The following CDH3 variants were observed in gnomAD, a reference collection of about 807,000 sequenced individuals.
CDH3 encodes cadherin-3.
In CDH3, 54 loss-of-function variants were observed where a neutral mutation model predicts 82.0. The ratio of observed to expected loss-of-function variants is 0.66; its 90% CI spans 0.53 to 0.83. CDH3 has a LOEUF of 0.83. CDH3 is among the 40% of genes least tolerant of loss of function. The pLI, the probability that CDH3 is intolerant of heterozygous loss-of-function variation, is 0.00. For synonymous variants in CDH3, 446 were observed against 437.9 expected (o/e 1.02, Z -0.23); for missense variants, 1,054 against 1,084.6 (o/e 0.97, Z 0.40).
intron 10 of CDH3, 112 bp downstream of exon 10, chr16:68,684,936 C>A: frequency 7.2e-7 from 1 of 1,385,024 alleles, no homozygotes; most frequent in Non-Finnish European, 1.0e-6. Context: ...AGGAATATCC[C>A]TCCTGCATAG....
intron 2 of CDH3, among the ~76,000 whole-genome samples, chr16:68,725,028 C>T (rs943809684): frequency 2.6e-5 from 4 of 152,076 alleles, no homozygotes; most frequent in African/African-American, 4.8e-5. Flanking sequence ...TGCTTGGAAG[C>T]GGGGGACAGG....
At chr16:68,719,239 C>T (rs533196141) in intron 1 of CDH3, among the ~76,000 whole-genome samples, 8 of 127,404 alleles carry the variant, frequency 6.3e-5, no homozygotes, top group South Asian at 5.4e-4. Context: ...AGTGAGACTC[C>T]GTCTCAAAAA....
chr16:68,731,047 A>AAATAT (rs1962279500), downstream of CDH3, among the ~76,000 whole-genome samples: 1 of 26,346 alleles, frequency 3.8e-5, no homozygotes, highest in African/African-American at 1.4e-4. Context: ...AAAAAAAAAA[A>AAATAT]ATATATATAT....
chr16:68,704,274 G>A (rs1403082463), downstream of CDH3, among the ~76,000 whole-genome samples: 1 of 150,974 alleles, frequency 6.6e-6, no homozygotes, highest in Non-Finnish European at 1.5e-5. Context: ...GCCACAGAGC[G>A]AGACTTCGTC....
chr16:68,656,860 C>G (rs1296404554), intron 2 of CDH3, among the ~76,000 whole-genome samples: 5 of 152,190 alleles, frequency 3.3e-5, no homozygotes, highest in African/African-American at 1.2e-4. Flanking sequence ...CCCAGGACCT[C>G]TGGCCTCCCT....
downstream of CDH3, among the ~76,000 whole-genome samples, chr16:68,704,180 A>G (rs1345503234): frequency 1.4e-5 from 2 of 138,730 alleles, no homozygotes; most frequent in African/African-American, 2.7e-5. Context: ...CCAGCTACTC[A>G]GGAGGCTGAG....
intron 2 of CDH3, among the ~76,000 whole-genome samples, chr16:68,657,038 C>T (rs1960425066): frequency 2.6e-5 from 4 of 152,156 alleles, no homozygotes; most frequent in Non-Finnish European, 5.9e-5. Flanking sequence ...CTCACTCGCT[C>T]CTCCTCCCCC....
At chr16:68,657,373 G>T (rs974506104) in intron 2 of CDH3, among the ~76,000 whole-genome samples, 10 of 152,238 alleles carry the variant, frequency 6.6e-5, no homozygotes, top group South Asian at 4.2e-4. Context: ...AATTAGCCGG[G>T]CATGGTGGCG....
At chr16:68,654,769 C>T (rs1224507738) in intron 2 of CDH3, among the ~76,000 whole-genome samples, 2 of 147,896 alleles carry the variant, frequency 1.4e-5, no homozygotes, top group Non-Finnish European at 3.0e-5. Flanking sequence ...GGCATGATGG[C>T]TCACACCTGT....
chr16:68,690,527 C>T (rs953561111), intron 12 of CDH3, among the ~76,000 whole-genome samples: 4 of 151,984 alleles, frequency 2.6e-5, no homozygotes, highest in African/African-American at 9.7e-5. Context: ...GCAGGAGAAT[C>T]GCTTGAGCCC....
At chr16:68,656,005 G>A (rs562907323) in intron 2 of CDH3, among the ~76,000 whole-genome samples, 1 of 152,330 alleles carries the variant, frequency 6.6e-6, no homozygotes, top group South Asian at 2.1e-4. Flanking sequence ...AGGCAAGGGA[G>A]TTGGGCATGA....
chr16:68,710,956 G>A (rs1368920723), intron 1 of CDH3, among the ~76,000 whole-genome samples: 7 of 112,414 alleles, frequency 6.2e-5, no homozygotes, highest in Non-Finnish European at 1.3e-4. Context: ...GAGGAGAGGG[G>A]AGGGGAGGGG....
chr16:68,661,774 C>T lies in CDH3; in HGVS notation c.161-14611C>T, dbSNP rs138540403. On this transcript the variant is annotated intron_variant, in intron 2 of 15. Coordinates refer to ENST00000264012, the MANE Select transcript of CDH3 (RefSeq NM_001793.6). ...CGCGATCTCAGCTCGCTGCAACCTCCGCCTCCCGGGTTCAAGCTATTCTCC... is the reference window on the plus strand; with the variant it reads ...CGCGATCTCAGCTCGCTGCAACCTCTGCCTCCCGGGTTCAAGCTATTCTCC... Among the ~76,000 whole-genome samples the T allele has an allele frequency of 2.1e-4, 32 of 152,310 alleles. No homozygotes were observed. The East Asian group carries it at 5.2e-3, about 25-fold the overall frequency.
chr16:68,730,233 A>T (rs1344189886), downstream of CDH3, among the ~76,000 whole-genome samples: 1 of 6,974 alleles, frequency 1.4e-4, no homozygotes, highest in Non-Finnish European at 1.2e-3. Flanking sequence ...ACTCCACCTA[A>T]AAAAAAAAAA....
At chr16:68,723,220 T>C (rs1962183486) in intron 2 of CDH3, among the ~76,000 whole-genome samples, 1 of 152,162 alleles carries the variant, frequency 6.6e-6, no homozygotes, top group South Asian at 2.1e-4. Context: ...GAATTTAATG[T>C]CCTTCTCAAG....
intron 1 of CDH3, among the ~76,000 whole-genome samples, chr16:68,711,348 A>G (rs1302255752): frequency 6.7e-6 from 1 of 149,820 alleles, no homozygotes; most frequent in Non-Finnish European, 1.5e-5. Flanking sequence ...AGAAAGAAAA[A>G]GAAAGAAAAG....
chr16:68,661,382 TAATG>T (rs1960574256), intron 2 of CDH3, among the ~76,000 whole-genome samples: 1 of 152,158 alleles, frequency 6.6e-6, no homozygotes, highest in African/African-American at 2.4e-5. Flanking sequence ...ATGAATATAA[TAATG>T]GGGATCTCAT....
chr16:68,685,195 T>C lies in CDH3; in HGVS notation c.1425-10T>C. 5.0e-6 allele frequency: 8 copies of C among 1,613,980 alleles called. No homozygotes were observed. Among genetic ancestry groups the C allele is most frequent in the Non-Finnish European group, 6.8e-6 (8 of 1,179,998 alleles). ...TTCTGGATGTACTCGTCTCAACTTT[T>C]CCTCTCCAGCTACCGCATCCTGAGA... On this transcript the variant is annotated splice_polypyrimidine_tract_variant and intron_variant, in intron 10 of 15. Coordinates refer to ENST00000264012, the MANE Select transcript of CDH3 (RefSeq NM_001793.6).
Position 68,681,102 on chromosome 16 carries a change from G to T in CDH3, c.996+6G>T. The T allele has an allele frequency of 6.2e-7, 1 of 1,613,784 alleles. No homozygotes were observed. On this transcript the variant is annotated splice_donor_region_variant and intron_variant, in intron 8 of 15. Coordinates refer to ENST00000264012, the MANE Select transcript of CDH3 (RefSeq NM_001793.6). ...CCATGTTTGACCCCCAGAAGGTAAT[G>T]CCCCTTCCTCACTCAGTCCCTCATC... is the stretch of plus-strand genomic sequence containing the variant.
Sources: allele counts gnomAD v4.1 joint callset (sites outside exome capture counted in the v4.1 genomes callset), GRCh38; gene constraint gnomAD v4.1.1; transcripts MANE v1.5; gene names NCBI Gene and HGNC (gene_info 2026-07-23, HGNC 2026-07-21).